Variants in TRAPPC9 observed in about 807,000 individuals in gnomAD.
TRAPPC9 encodes trafficking protein particle complex subunit 9.
Under a neutral mutation model 124.0 loss-of-function variants are expected in TRAPPC9, and 83 were observed. The ratio of observed to expected loss-of-function variants is 0.67; its 90% CI spans 0.56 to 0.80. The LOEUF is 0.80. TRAPPC9 is among the 30% of genes least tolerant of loss of function. The probability of loss-of-function intolerance (pLI) is 0.00; values close to 1 mark genes in which losing one functional copy is unlikely to be tolerated. For missense variants in TRAPPC9, 1,302 were observed against 1,508.3 expected, an observed-to-expected ratio of 0.86 and a Z score of 2.27; for synonymous variants, 638 against 617.5, an observed-to-expected ratio of 1.03 and a Z score of -0.49.
chr8:140,213,089 TTTTG>T (rs1043390118), intron 17 of TRAPPC9, among the ~76,000 whole-genome samples: 4 of 151,184 alleles, frequency 2.6e-5, no homozygotes, highest in African/African-American at 9.7e-5. Context: ...AAAAAAGTTT[TTTTG>T]TTTTTTTGTT....
intron 19 of TRAPPC9, among the ~76,000 whole-genome samples, chr8:139,925,279 T>C (rs1832741136): frequency 6.6e-6 from 1 of 152,156 alleles, no homozygotes; most frequent in African/African-American, 2.4e-5. Flanking sequence ...CTAACAGAAA[T>C]ATCGCCTTTC....
chr8:140,083,157 C>T (rs12681989), intron 17 of TRAPPC9, among the ~76,000 whole-genome samples: 55,287 of 151,944 alleles, frequency 0.36, 11,992 homozygotes, highest in Middle Eastern at 0.55. Flanking sequence ...CGTGCCACTG[C>T]ACTCCAGCCT....
intron 17 of TRAPPC9, among the ~76,000 whole-genome samples, chr8:140,206,955 G>A (rs893954598): frequency 1.3e-5 from 2 of 152,154 alleles, no homozygotes; most frequent in African/African-American, 2.4e-5. Context: ...CATGGGGAAA[G>A]ATGAAAGGAA....
At chr8:140,443,308 C>T (rs1164111132) in intron 2 of TRAPPC9, among the ~76,000 whole-genome samples, 9 of 145,662 alleles carry the variant, frequency 6.2e-5, no homozygotes, top group South Asian at 4.4e-4. Flanking sequence ...TGGTGGTGGG[C>T]GCCTGTAGTC....
At chr8:140,269,868 G>A (rs1003295956) in intron 15 of TRAPPC9, among the ~76,000 whole-genome samples, 1 of 152,192 alleles carries the variant, frequency 6.6e-6, no homozygotes, top group African/African-American at 2.4e-5. Flanking sequence ...GAAGGCCAAG[G>A]TGGATGGATC....
intron 21 of TRAPPC9, among the ~76,000 whole-genome samples, chr8:139,779,064 C>T (rs1192642661): frequency 1.3e-5 from 2 of 151,214 alleles, no homozygotes; most frequent in Non-Finnish European, 2.9e-5. Flanking sequence ...CTAATAAGTA[C>T]TGCTCAAAAC....
intron 10 of TRAPPC9, among the ~76,000 whole-genome samples, chr8:140,303,363 C>T (rs548278644): frequency 2.0e-5 from 3 of 152,330 alleles, no homozygotes; most frequent in South Asian, 4.1e-4. Context: ...CTTTATTCCA[C>T]TTCCTTAATA....
chr8:139,800,168 G>A (rs1823382230), intron 21 of TRAPPC9, among the ~76,000 whole-genome samples: 1 of 152,248 alleles, frequency 6.6e-6, no homozygotes, highest in South Asian at 2.1e-4. Flanking sequence ...TTTGGCTGAG[G>A]TCCCCAGCCC....
At chr8:140,245,464 GGTGTGTGTGT>G (rs35366571) in intron 16 of TRAPPC9, among the ~76,000 whole-genome samples, 5 of 150,112 alleles carry the variant, frequency 3.3e-5, no homozygotes, top group South Asian at 2.1e-4. Flanking sequence ...TTTGTTTTGT[GGTGTGTGTGT>G]GTGTGTGTGT....
chr8:140,323,323 G>A (rs1233174131), intron 9 of TRAPPC9, among the ~76,000 whole-genome samples: 2 of 152,158 alleles, frequency 1.3e-5, no homozygotes, highest in Non-Finnish European at 2.9e-5. Context: ...GTAAACATAA[G>A]TGTTTCCTTC....
At chr8:140,449,771 G>A (rs1446157571) in intron 2 of TRAPPC9, among the ~76,000 whole-genome samples, 2 of 152,264 alleles carry the variant, frequency 1.3e-5, no homozygotes, top group South Asian at 2.1e-4. Flanking sequence ...CTGGCAATCC[G>A]GAGACGTGGG....
At chr8:140,044,169 A>G (rs1049757955) in intron 17 of TRAPPC9, among the ~76,000 whole-genome samples, 1 of 151,918 alleles carries the variant, frequency 6.6e-6, no homozygotes, top group African/African-American at 2.4e-5. Flanking sequence ...GCTTCACAGC[A>G]GTCCAACAAA....
chr8:140,148,939 G>A (rs1587810129), intron 17 of TRAPPC9, among the ~76,000 whole-genome samples: 2 of 152,214 alleles, frequency 1.3e-5, no homozygotes, highest in Middle Eastern at 3.4e-3. Context: ...ATTATTTATA[G>A]CCATGTTCTA....
chr8:140,029,516 AAAC>A (rs1045677724), intron 17 of TRAPPC9, among the ~76,000 whole-genome samples: 17 of 152,182 alleles, frequency 1.1e-4, no homozygotes, highest in African/African-American at 4.1e-4. Flanking sequence ...GAAAACAAAC[AAAC>A]AAACAAACAA....
intron 19 of TRAPPC9, among the ~76,000 whole-genome samples, chr8:139,949,304 G>A (rs922390029): frequency 6.6e-6 from 1 of 152,098 alleles, no homozygotes; most frequent in African/African-American, 2.4e-5. Context: ...AATTCTCAAG[G>A]AGAAAACATG....
intron 17 of TRAPPC9, among the ~76,000 whole-genome samples, chr8:140,116,511 T>C (rs1200906677): frequency 6.6e-6 from 1 of 152,182 alleles, no homozygotes; most frequent in African/African-American, 2.4e-5. Flanking sequence ...TGAGGGAAGA[T>C]GATGAGTCAT....
chr8:139,970,550 G>A (rs1021184768), intron 19 of TRAPPC9, among the ~76,000 whole-genome samples: 1 of 152,166 alleles, frequency 6.6e-6, no homozygotes, highest in East Asian at 1.9e-4. Context: ...GCCTGTCCCA[G>A]AGACCTCAGA....
intron 19 of TRAPPC9, among the ~76,000 whole-genome samples, chr8:139,917,341 A>C (rs1832218976): frequency 1.3e-5 from 2 of 151,514 alleles, no homozygotes; most frequent in African/African-American, 4.9e-5. Context: ...CCACCATGCC[A>C]GGCTAATTTT....
At chr8:140,297,997 CTGAG>C (rs1415067490) in intron 11 of TRAPPC9, among the ~76,000 whole-genome samples, 2 of 152,192 alleles carry the variant, frequency 1.3e-5, no homozygotes, top group African/African-American at 4.8e-5. Context: ...TTGTCACTAA[CTGAG>C]TAACTTTTAG....
Sources: allele counts gnomAD v4.1 joint callset (sites outside exome capture counted in the v4.1 genomes callset), GRCh38; gene constraint gnomAD v4.1.1; transcripts MANE v1.5; gene names NCBI Gene and HGNC (gene_info 2026-07-23, HGNC 2026-07-21).